Variants in ITGA9 observed in about 807,000 individuals in gnomAD.
The protein encoded by ITGA9 is integrin alpha-9.
In ITGA9, 56 loss-of-function variants were observed where a neutral mutation model predicts 127.8. The observed-to-expected ratio is 0.44, with a 90% CI of 0.35 to 0.55. The LOEUF (loss-of-function observed/expected upper bound fraction) is 0.55. Among genes scored for constraint, ITGA9 ranks in the 20% least tolerant of loss-of-function variants. The pLI is 0.00. For missense variants in ITGA9, 1,196 were observed against 1,347.1 expected (o/e 0.89, Z 1.76); for synonymous variants, 508 against 514.5 (o/e 0.99, Z 0.17).
intron 18 of ITGA9, among the ~76,000 whole-genome samples, chr3:37,718,260 A>G (rs1701155069): frequency 6.6e-6 from 1 of 152,226 alleles, no homozygotes; most frequent in Non-Finnish European, 1.5e-5. Flanking sequence ...ACAAAATAAG[A>G]AACACTTGTT....
At chr3:37,717,750 AC>A (rs752987754) in intron 18 of ITGA9, among the ~76,000 whole-genome samples, 1 of 152,238 alleles carries the variant, frequency 6.6e-6, no homozygotes, top group South Asian at 2.1e-4. Context: ...ACAAATCCAG[AC>A]CATATCAGTG....
intron 18 of ITGA9, among the ~76,000 whole-genome samples, chr3:37,710,547 C>A (rs757347284): frequency 6.6e-6 from 1 of 152,202 alleles, no homozygotes; most frequent in Non-Finnish European, 1.5e-5. Context: ...TCACAGTAAC[C>A]TTTCAGAGGT....
At chr3:37,681,592 A>G (rs1700735400) in intron 17 of ITGA9, among the ~76,000 whole-genome samples, 1 of 152,200 alleles carries the variant, frequency 6.6e-6, no homozygotes, top group Non-Finnish European at 1.5e-5. Flanking sequence ...CTGAGTGGCC[A>G]AAAATAACAA....
At chr3:37,575,998 T>G (rs900551507) in intron 15 of ITGA9, among the ~76,000 whole-genome samples, 1 of 152,206 alleles carries the variant, frequency 6.6e-6, no homozygotes, top group African/African-American at 2.4e-5. Context: ...TTGGAACTGA[T>G]GATTCTCAGA....
chr3:37,619,132 C>G (rs781390993), intron 15 of ITGA9, among the ~76,000 whole-genome samples: 2 of 152,222 alleles, frequency 1.3e-5, no homozygotes, highest in South Asian at 4.1e-4. Flanking sequence ...TTTAAAAGGA[C>G]AAAGTAAAAC....
chr3:37,577,737 G>A (rs1221638086), intron 15 of ITGA9, among the ~76,000 whole-genome samples: 1 of 152,214 alleles, frequency 6.6e-6, no homozygotes, highest in Non-Finnish European at 1.5e-5. Flanking sequence ...CATCTACTGT[G>A]AAACTCTGTG....
intron 23 of ITGA9, among the ~76,000 whole-genome samples, chr3:37,768,148 A>G (rs1206121238): frequency 6.6e-6 from 1 of 152,256 alleles, no homozygotes; most frequent in African/African-American, 2.4e-5. Flanking sequence ...GTCAATATGA[A>G]GAAATACTCA....
chr3:37,546,083 C>T (rs1699323675), intron 15 of ITGA9, among the ~76,000 whole-genome samples: 1 of 152,146 alleles, frequency 6.6e-6, no homozygotes, highest in Non-Finnish European at 1.5e-5. Context: ...CTTTTGGTCT[C>T]AAATAAAATA....
Position 37,611,632 on chromosome 3 carries a change from A to T in ITGA9, c.1690-17555A>T, listed in dbSNP as rs892182165. On this transcript the variant is annotated intron_variant, in intron 15 of 27. Coordinates refer to ENST00000264741, the MANE Select transcript of ITGA9 (RefSeq NM_002207.3). ...ATTGTGCTGGTTCAGTTAGCCCCCA[A>T]GCTGAGAAGACAGGCCCACTGTGGT... is the stretch of plus-strand genomic sequence containing the variant. 3.3e-5 allele frequency among the ~76,000 whole-genome samples: 5 copies of T among 152,158 alleles called. No homozygotes were observed. In the East Asian group the frequency reaches 9.6e-4, roughly 29 times the overall value.
chr3:37,465,342 G>A (rs9870055), intron 1 of ITGA9, among the ~76,000 whole-genome samples: 3,558 of 152,236 alleles, frequency 0.023, 120 homozygotes, highest in African/African-American at 0.08. Flanking sequence ...CCACACACAG[G>A]GAGCTCAGGA....
chr3:37,641,356 A>G (rs1280086635), intron 16 of ITGA9, among the ~76,000 whole-genome samples: 2 of 152,112 alleles, frequency 1.3e-5, no homozygotes, highest in African/African-American at 2.4e-5. Context: ...CTGGTGCCAT[A>G]AAGGTTGGAG....
intron 27 of ITGA9, chr3:37,808,025 C>G (rs1697319424): frequency 6.6e-6 from 1 of 152,164 alleles, no homozygotes; most frequent in South Asian, 2.1e-4. Flanking sequence ...GGGCTTGCCT[C>G]ACTCCCTGTC....
intron 8 of ITGA9, 110 bp downstream of exon 8, chr3:37,508,737 T>C: frequency 1.2e-6 from 1 of 808,790 alleles, no homozygotes; most frequent in East Asian, 2.6e-5. Context: ...CCTGTGTTTA[T>C]ATGGCAGTGC....
intron 6 of ITGA9, 91 bp from the exon 7 acceptor site, chr3:37,505,909 A>G: frequency 2.1e-6 from 2 of 932,272 alleles, no homozygotes; most frequent in Non-Finnish European, 3.4e-6. Flanking sequence ...AGTAGGGAGC[A>G]TGCTTGAGAA....
At chr3:37,785,393 T>C (rs1697027747) in intron 26 of ITGA9, among the ~76,000 whole-genome samples, 1 of 152,192 alleles carries the variant, frequency 6.6e-6, no homozygotes, top group South Asian at 2.1e-4. Context: ...GCCAGGACTA[T>C]TTATATCTTT....
intron 18 of ITGA9, among the ~76,000 whole-genome samples, chr3:37,715,547 A>G (rs1701125154): frequency 6.6e-6 from 1 of 152,206 alleles, no homozygotes; most frequent in Admixed American, 6.5e-5. Flanking sequence ...ATCCTTCCCA[A>G]AGCAGACAAA....
At chr3:37,748,153 TTC>T in intron 22 of ITGA9, 1 of 471,242 alleles carries the variant, frequency 2.1e-6, no homozygotes, top group Non-Finnish European at 4.1e-6. Context: ...CTGATATATG[TTC>T]TCTAGGCTTT....
At chr3:37,645,347 T>G (rs1221421329) in intron 16 of ITGA9, among the ~76,000 whole-genome samples, 2 of 152,126 alleles carry the variant, frequency 1.3e-5, no homozygotes, top group Non-Finnish European at 2.9e-5. Context: ...GACGGGCAGA[T>G]CACTTGAGAT....
At chr3:37,800,414 G>T (rs1697223804) in intron 26 of ITGA9, among the ~76,000 whole-genome samples, 1 of 152,184 alleles carries the variant, frequency 6.6e-6, no homozygotes, top group Non-Finnish European at 1.5e-5. Flanking sequence ...GTTGCCTACG[G>T]TTGCACCAGG....
Sources: gnomAD v4.1 joint callset for allele counts (sites outside exome capture counted in the v4.1 genomes callset) on GRCh38, gnomAD v4.1.1 for gene constraint, MANE v1.5 for transcripts, NCBI Gene and HGNC (gene_info 2026-07-23, HGNC 2026-07-21) for gene names.